The following SEMA7A variants were observed in gnomAD, a reference collection of about 807,000 sequenced individuals.
The protein encoded by SEMA7A is semaphorin 7A (JohnMiltonHagen blood group), also known as semaphorin-7A.
Under a neutral mutation model 67.5 loss-of-function variants are expected in SEMA7A, and 21 were observed. The observed-to-expected ratio is 0.31, with a 90% CI of 0.22 to 0.45. The LOEUF (loss-of-function observed/expected upper bound fraction) is 0.45. SEMA7A is among the 20% of genes least tolerant of loss of function. The pLI is 1.00. For synonymous variants in SEMA7A, 364 were observed against 368.5 expected, an observed-to-expected ratio of 0.99 and a Z score of 0.14; for missense variants, 774 against 908.6, an observed-to-expected ratio of 0.85 and a Z score of 1.90.
At position 74,411,291 on chromosome 15, in the gene SEMA7A, G is replaced by A; in HGVS notation, c.1639+4C>T. On this transcript the variant is annotated splice_donor_region_variant and intron_variant, in intron 13 of 13. Transcript: ENST00000261918. This position sits in a 1 kb window ranked among gnomAD's most constrained non-coding sequence, Gnocchi z 4.4. The stretch of plus-strand genomic sequence containing the variant: ...ACAGCCGCCAGCAGGGCCAGATCAG[G>A]TACCTGGTTTGGGGTTGGGACACTC... 6.2e-7 allele frequency: 1 copy of A among 1,613,874 alleles called. No homozygotes were observed.
At position 74,411,955 on chromosome 15, in the gene SEMA7A, A is replaced by G; in HGVS notation, c.1352T>C (p.Phe451Ser). Residue 451 changes from phenylalanine to serine, a missense_variant, in exon 11 of 14, where the codon TTC becomes TCC. Phe to Ser is a radical substitution (Grantham distance 155). Coordinates refer to ENST00000261918, the MANE Select transcript of SEMA7A (RefSeq NM_003612.5). The surrounding 1 kb of genome is among the most constrained non-coding windows in gnomAD (Gnocchi z 4.4). ...EPGEQEHSFA[F>S]NIMEIQPFRR... ...GAAGGGCTGGATCTCCATGATGTTG[A>G]AGGCGAAGCTGTGCTCCTGCTCCCC... The G allele has an allele frequency of 6.2e-7, 1 of 1,614,020 alleles. No individual in the cohort carries two copies. The highest frequency in any genetic ancestry group is 1.1e-5 in the South Asian group (1 of 91,082).
At chr15:74,422,283 G>C (rs2141284176) in intron 1 of SEMA7A, among the ~76,000 whole-genome samples, 2 of 151,978 alleles carry the variant, frequency 1.3e-5, no homozygotes, top group Middle Eastern at 3.4e-3. Context: ...TTCCCATCCT[G>C]CTTGTCTAAA....
Position 74,417,228 on chromosome 15 carries a change from C to T in SEMA7A, c.661+107G>A, listed in dbSNP as rs953643964. 32 of 860,458 alleles carry T rather than the reference C, an allele frequency of 3.7e-5. No homozygotes were observed. The African/African-American group carries it at 4.3e-4, about 12-fold the overall frequency. 53.3% of individuals were successfully genotyped at this position (860,458 alleles called of 1,614,324 possible). A position where few individuals can be genotyped will look rare whatever the true frequency, so the allele number is the denominator to read the frequency against. ...ACCAAGGTCCTGCTTTCCTGCATGG[C>T]CCCAGCGGCCCTCAGGGAGCCCTCC... On this transcript the variant is annotated intron_variant, in intron 6 of 13. Transcript: ENST00000261918.
At chr15:74,420,626 G>A (rs898563929) in intron 1 of SEMA7A, among the ~76,000 whole-genome samples, 9 of 152,156 alleles carry the variant, frequency 5.9e-5, no homozygotes, top group African/African-American at 2.2e-4. Flanking sequence ...AGGGAGAGCT[G>A]GCAGGTCTTG....
chr15:74,429,590 C>T (rs754961331), intron 1 of SEMA7A, among the ~76,000 whole-genome samples: 2 of 152,344 alleles, frequency 1.3e-5, no homozygotes, highest in Non-Finnish European at 1.5e-5. Flanking sequence ...GGAACTGTGA[C>T]GGGGCTATGG....
intron 1 of SEMA7A, among the ~76,000 whole-genome samples, chr15:74,419,808 G>A (rs1433446026): frequency 1.3e-5 from 2 of 152,204 alleles, no homozygotes; most frequent in East Asian, 3.8e-4. Flanking sequence ...ACAGAGCACA[G>A]CCTGGGACTT....
intron 1 of SEMA7A, among the ~76,000 whole-genome samples, chr15:74,424,703 G>A (rs2061028696): frequency 6.6e-6 from 1 of 152,196 alleles, no homozygotes; most frequent in South Asian, 2.1e-4. Context: ...GTGCTGAGCA[G>A]GATTCAGGGA....
At chr15:74,428,261 G>A (rs934010610) in intron 1 of SEMA7A, among the ~76,000 whole-genome samples, 3 of 152,244 alleles carry the variant, frequency 2.0e-5, no homozygotes, top group Non-Finnish European at 4.4e-5. Flanking sequence ...TGGGCTAGCA[G>A]AGGAGGAAAG....
intron 10 of SEMA7A, 140 bp from the exon 11 acceptor site, chr15:74,412,152 G>A (rs564089587): frequency 9.9e-7 from 1 of 1,013,378 alleles, no homozygotes; most frequent in African/African-American, 1.6e-5. Context: ...AGGAGAGCGT[G>A]ACTGGGGAAG....
At position 74,413,678 on chromosome 15, in the gene SEMA7A, G is replaced by C. The variant is rs1019558722; in HGVS notation, c.1294+869C>G. On this transcript the variant is annotated intron_variant, in intron 10 of 13. Transcript: ENST00000261918. ...GGAATCAGGACCCAGGCCCTGCCCT[G>C]TGGGAAATTCCTCTCCCCAAGGCTT... Among the ~76,000 whole-genome samples, 55 of 152,184 alleles carry C rather than the reference G, an allele frequency of 3.6e-4. 3 individuals are homozygous for C. The highest frequency in any genetic ancestry group is 3.5e-3 in the Admixed American group (54 of 15,282).
At position 74,423,743 on chromosome 15, in the gene SEMA7A, G is replaced by A. The variant is rs751066625; in HGVS notation, c.179-4791C>T. 8.5e-5 allele frequency among the ~76,000 whole-genome samples: 13 copies of A among 152,182 alleles called. No homozygotes were observed. Among genetic ancestry groups the A allele is most frequent in the Admixed American group, 5.9e-4 (9 of 15,290 alleles). ...GACTAATGGTGGAAGTGTAGGTGCC[G>A]TGCATGTCAGAGTGGTAGAGGAAAC... On this transcript the variant is annotated intron_variant, in intron 1 of 13. Coordinates refer to ENST00000261918, the MANE Select transcript of SEMA7A (RefSeq NM_003612.5). The surrounding 1 kb of genome is among the most constrained non-coding windows in gnomAD (Gnocchi z 4.1).
rs2060925807 is a variant in SEMA7A, at chr15:74,414,205, CCCT to C, written c.1294+339_1294+341del. On this transcript the variant is annotated intron_variant, in intron 10 of 13. Coordinates refer to ENST00000261918, the MANE Select transcript of SEMA7A (RefSeq NM_003612.5). This position sits in a 1 kb window ranked among gnomAD's most constrained non-coding sequence, Gnocchi z 4.1. Reference sequence around the variant, plus strand: ...AGGCCAGTATCCCTGTGGTTCAGGCCCCTCCTCCTCATTTGCCACGTCTCTTCC... The same window carrying C: ...AGGCCAGTATCCCTGTGGTTCAGGCCCCTCCTCATTTGCCACGTCTCTTCC... Among the ~76,000 whole-genome samples the C allele has an allele frequency of 6.6e-6, 1 of 152,056 alleles. No homozygotes were observed. Among genetic ancestry groups the C allele is most frequent in the African/African-American group, 2.4e-5 (1 of 41,478 alleles).
chr15:74,422,269 C>T (rs903263260), intron 1 of SEMA7A, among the ~76,000 whole-genome samples: 2 of 152,028 alleles, frequency 1.3e-5, no homozygotes, highest in Admixed American at 1.3e-4. Flanking sequence ...CTGGCTCCCC[C>T]TGCTTCCCAT....
intron 8 of SEMA7A, 88 bp from the exon 9 acceptor site, chr15:74,415,034 T>C (rs992040749): frequency 2.3e-5 from 24 of 1,059,718 alleles, no homozygotes; most frequent in Middle Eastern, 2.3e-4. Flanking sequence ...TGCCTGGCAC[T>C]GAGTTGCCAA....
chr15:74,410,574 C>G lies in SEMA7A; in HGVS notation c.*50G>C. ...CAGCCGGCTCTGAGTGTGAGACGTT[C>G]TAGTGCCCTGGGCTGCAGAAGCCTG... On this transcript the variant is annotated 3_prime_UTR_variant, in exon 14 of 14. Transcript: ENST00000261918. The surrounding 1 kb of genome is among the most constrained non-coding windows in gnomAD (Gnocchi z 7.5). 6.5e-7 allele frequency: 1 copy of G among 1,531,088 alleles called. No homozygotes were observed. The highest frequency in any genetic ancestry group is 2.3e-5 in the East Asian group (1 of 44,134). The allele number at this position is 1,531,088 out of a possible 1,614,324, so 94.8% of individuals were successfully genotyped here.
rs971808259 is a variant in SEMA7A, at chr15:74,417,748, G to C, written c.466-73C>G. 4.5e-6 allele frequency: 7 copies of C among 1,547,182 alleles called. No homozygotes were observed. The South Asian group carries it at 5.7e-5, about 13-fold the overall frequency. On this transcript the variant is annotated intron_variant, in intron 4 of 13. Transcript: ENST00000261918. ...TGCCTCCCATGACGGCCAGTTTCTC[G>C]GCCAGGAGCCCCATCCTCCCAGGGC...
At chr15:74,416,274 ACT>A (rs2060947294) in intron 7 of SEMA7A, among the ~76,000 whole-genome samples, 1 of 151,610 alleles carries the variant, frequency 6.6e-6, no homozygotes, top group Admixed American at 6.6e-5. Context: ...ACATTTACTG[ACT>A]CACACACCCA....
intron 1 of SEMA7A, among the ~76,000 whole-genome samples, chr15:74,421,007 T>A (rs1255000219): frequency 3.3e-5 from 5 of 152,118 alleles, no homozygotes; most frequent in African/African-American, 1.2e-4. Flanking sequence ...CAGGCCCAGG[T>A]CTCCGAGGGG....
intron 8 of SEMA7A, among the ~76,000 whole-genome samples, chr15:74,415,388 C>T (rs1034441534): frequency 3.3e-5 from 5 of 152,194 alleles, no homozygotes; most frequent in Non-Finnish European, 5.9e-5. Context: ...ACACTTCCGC[C>T]TGCCGTGTGT....
Sources: gnomAD v4.1 joint callset for allele counts (sites outside exome capture counted in the v4.1 genomes callset) on GRCh38, gnomAD v4.1.1 for gene constraint, Gnocchi (gnomAD v3.1) non-coding constraint, MANE v1.5 for transcripts, NCBI Gene and HGNC (gene_info 2026-07-23, HGNC 2026-07-21) for gene names.